PCDH15: variants seen among roughly 807,000 people sequenced by gnomAD.
PCDH15 encodes protocadherin-15.
Under a neutral mutation model 178.5 loss-of-function variants are expected in PCDH15, and 129 were observed. That is an observed-to-expected ratio of 0.72 (90% CI 0.63 to 0.84). The LOEUF (loss-of-function observed/expected upper bound fraction) is 0.84, where lower values mean the gene tolerates loss of function less well. Among genes scored for constraint, PCDH15 ranks in the 40% least tolerant of loss-of-function variants. PCDH15 has a pLI of 0.00. For missense variants in PCDH15, 2,230 were observed against 2,099.9 expected (o/e 1.06, Z -1.21); for synonymous variants, 800 against 732.0 (o/e 1.09, Z -1.50).
chr10:54,089,984 G>A lies in PCDH15; in HGVS notation c.1997C>T (p.Thr666Ile), dbSNP rs146121822. Residue 666 changes from threonine to isoleucine, a missense_variant and splice_region_variant, in exon 16 of 38, where the codon ACC becomes ATC. Transcript: ENST00000644397. ...DPQRVFNLSE[T>I]TGILTLGKAL... is the part of the protein sequence containing the mutation. The stretch of plus-strand genomic sequence containing the variant: ...AAGTAGGAAATCATTTTTAACTTAC[G>A]TTTCTGAAAGATTAAAAACTCTCTG... 4.8e-5 allele frequency: 77 copies of A among 1,602,756 alleles called. No homozygotes were observed. Among genetic ancestry groups the A allele is most frequent in the Admixed American group, 3.0e-4 (18 of 59,912 alleles).
intron 1 of PCDH15, among the ~76,000 whole-genome samples, chr10:54,700,933 GA>G (rs1358206734): frequency 2.0e-5 from 3 of 151,946 alleles, no homozygotes; most frequent in East Asian, 1.9e-4. Context: ...AGGTCAAAAT[GA>G]AAGAAAAAAT....
chr10:54,437,055 CA>C (rs1487185627), intron 3 of PCDH15, among the ~76,000 whole-genome samples: 1 of 152,170 alleles, frequency 6.6e-6, no homozygotes, highest in East Asian at 1.9e-4. Flanking sequence ...TCCCTTGTCA[CA>C]CCTGTCTAAT....
chr10:54,057,751 G>T (rs7092452), intron 18 of PCDH15, among the ~76,000 whole-genome samples: 91,236 of 151,994 alleles, frequency 0.6, 27,536 homozygotes, highest in Middle Eastern at 0.75. Flanking sequence ...AGAAAATGAG[G>T]TTTTCTTTAC....
intron 2 of PCDH15, among the ~76,000 whole-genome samples, chr10:55,503,261 A>C (rs1367153111): frequency 6.6e-6 from 1 of 150,832 alleles, no homozygotes; most frequent in Non-Finnish European, 1.5e-5. Flanking sequence ...GTTTTCATAA[A>C]TTGTAATAAT....
chr10:54,407,206 G>A (rs1335894930), intron 3 of PCDH15, among the ~76,000 whole-genome samples: 1 of 152,082 alleles, frequency 6.6e-6, no homozygotes, highest in African/African-American at 2.4e-5. Context: ...TTGGGGAAAA[G>A]GATGGAGAAA....
intron 2 of PCDH15, among the ~76,000 whole-genome samples, chr10:54,911,736 C>T (rs1954822298): frequency 6.6e-6 from 1 of 152,158 alleles, no homozygotes; most frequent in African/African-American, 2.4e-5. Flanking sequence ...AGAGAGCTCT[C>T]ATGAGATCTG....
chr10:54,901,559 A>G (rs1384196240), intron 2 of PCDH15, among the ~76,000 whole-genome samples: 3 of 152,164 alleles, frequency 2.0e-5, no homozygotes, highest in Non-Finnish European at 4.4e-5. Flanking sequence ...TATTTATTTC[A>G]TGACCACATT....
intron 1 of PCDH15, among the ~76,000 whole-genome samples, chr10:54,710,007 T>C (rs1300057468): frequency 6.6e-6 from 1 of 150,908 alleles, no homozygotes; most frequent in Admixed American, 6.7e-5. Context: ...GTAATAAATA[T>C]GTATATATTA....
At chr10:54,371,982 G>A (rs1947743793) in intron 4 of PCDH15, among the ~76,000 whole-genome samples, 1 of 151,762 alleles carries the variant, frequency 6.6e-6, no homozygotes, top group Non-Finnish European at 1.5e-5. Flanking sequence ...AAAAAGACTA[G>A]CTCTTAGAAG....
At chr10:53,922,473 TG>T (rs1264392255) in intron 25 of PCDH15, among the ~76,000 whole-genome samples, 1 of 152,224 alleles carries the variant, frequency 6.6e-6, no homozygotes, top group African/African-American at 2.4e-5. Context: ...AGATCAGAAC[TG>T]GGTATGGAAT....
chr10:55,234,960 C>G (rs1478883756), intron 1 of PCDH15, among the ~76,000 whole-genome samples: 1 of 151,516 alleles, frequency 6.6e-6, no homozygotes, highest in Admixed American at 6.6e-5. Flanking sequence ...CATAATTTTT[C>G]CAAAATTTAC....
chr10:54,822,506 A>C (rs1361587550), intron 3 of PCDH15, among the ~76,000 whole-genome samples: 1 of 152,158 alleles, frequency 6.6e-6, no homozygotes, highest in Non-Finnish European at 1.5e-5. Context: ...CTGTGTGTAC[A>C]TACCATAATT....
chr10:54,816,534 C>G (rs145776134), intron 3 of PCDH15, among the ~76,000 whole-genome samples: 296 of 152,056 alleles, frequency 1.9e-3, no homozygotes, highest in African/African-American at 6.7e-3. Flanking sequence ...AAATGAGAAA[C>G]TAAGATATTT....
At chr10:55,242,452 T>C (rs1841569916) in intron 1 of PCDH15, among the ~76,000 whole-genome samples, 1 of 152,194 alleles carries the variant, frequency 6.6e-6, no homozygotes, top group Non-Finnish European at 1.5e-5. Flanking sequence ...TTTTGGTTTC[T>C]ACATAAGAAA....
At chr10:53,815,117 A>AAAGT (rs1226568904) in intron 35 of PCDH15, among the ~76,000 whole-genome samples, 1 of 152,210 alleles carries the variant, frequency 6.6e-6, no homozygotes, top group Non-Finnish European at 1.5e-5. Context: ...AGATTTTAGA[A>AAAGT]AAGTATGCAA....
chr10:55,586,823 T>A (rs1842735249), intron 2 of PCDH15, among the ~76,000 whole-genome samples: 1 of 152,136 alleles, frequency 6.6e-6, no homozygotes, highest in Non-Finnish European at 1.5e-5. Flanking sequence ...AAAAAAATTA[T>A]ACCTCAATAA....
chr10:53,810,094 C>T (rs2075810929), intron 37 of PCDH15, among the ~76,000 whole-genome samples: 1 of 150,902 alleles, frequency 6.6e-6, no homozygotes, highest in Admixed American at 6.6e-5. Flanking sequence ...AGAAATGAGT[C>T]ATGCTAATTT....
At chr10:54,156,240 C>T (rs1042528175) in intron 13 of PCDH15, among the ~76,000 whole-genome samples, 4 of 152,146 alleles carry the variant, frequency 2.6e-5, no homozygotes, top group African/African-American at 9.7e-5. Flanking sequence ...ATTCCTTCCT[C>T]TCAGTGTTTC....
intron 25 of PCDH15, among the ~76,000 whole-genome samples, chr10:53,933,877 G>A (rs1282272714): frequency 2.0e-5 from 3 of 152,184 alleles, no homozygotes; most frequent in African/African-American, 7.2e-5. Flanking sequence ...TAACTGGTGT[G>A]AGATGGTATC....
Sources: gnomAD v4.1 joint callset for allele counts (sites outside exome capture counted in the v4.1 genomes callset) on GRCh38, gnomAD v4.1.1 for gene constraint, MANE v1.5 for transcripts, NCBI Gene and HGNC (gene_info 2026-07-23, HGNC 2026-07-21) for gene names.